The following TENM2 variants were observed in gnomAD, a reference collection of about 807,000 sequenced individuals.
TENM2 encodes the protein teneurin-2.
Under a neutral mutation model 245.2 loss-of-function variants are expected in TENM2, and 52 were observed. The observed-to-expected ratio is 0.21, with a 90% CI of 0.17 to 0.27. TENM2 has a LOEUF of 0.27. Among genes scored for constraint, TENM2 ranks in the 10% least tolerant of loss-of-function variants. The pLI, the probability that TENM2 is intolerant of heterozygous loss-of-function variation, is 1.00. For synonymous variants in TENM2, 1,363 were observed against 1,438.9 expected (o/e 0.95, Z 1.19); for missense variants, 3,046 against 3,666.8 (o/e 0.83, Z 4.37).
At chr5:167,285,684 C>T (rs554044524) in intron 1 of TENM2, among the ~76,000 whole-genome samples, 3 of 152,324 alleles carry the variant, frequency 2.0e-5, no homozygotes, top group East Asian at 3.9e-4. Flanking sequence ...TGCATCAACA[C>T]GTAGAATAAA....
chr5:167,476,514 T>C (rs1767386956), intron 2 of TENM2, among the ~76,000 whole-genome samples: 1 of 152,220 alleles, frequency 6.6e-6, no homozygotes, highest in Non-Finnish European at 1.5e-5. Context: ...GATGGCAAAC[T>C]GAAGTCTTAC....
chr5:168,140,573 C>G (rs186192913), intron 12 of TENM2, among the ~76,000 whole-genome samples: 1 of 152,306 alleles, frequency 6.6e-6, no homozygotes, highest in Admixed American at 6.5e-5. Flanking sequence ...CACCTGACTT[C>G]TTAGCATACC....
Position 167,764,534 on chromosome 5 carries a change from TAG to T in TENM2, c.503-111445_503-111444del, listed in dbSNP as rs1474899094. Among the ~76,000 whole-genome samples, 21 of 152,338 alleles carry T rather than the reference TAG, an allele frequency of 1.4e-4. No homozygotes were observed. In the East Asian group the frequency reaches 3.9e-3, roughly 28 times the overall value. On this transcript the variant is annotated intron_variant, in intron 2 of 28. Coordinates refer to ENST00000518659, the Ensembl canonical transcript of TENM2. The stretch of plus-strand genomic sequence containing the variant: ...TTTGTAAGCTCTGTGATCTGGAAGC[TAG>T]AGAGAGTTCCCACTCTTGCCTTTGT...
At chr5:167,393,027 C>T (rs554861858) in intron 2 of TENM2, among the ~76,000 whole-genome samples, 1 of 151,654 alleles carries the variant, frequency 6.6e-6, no homozygotes, top group African/African-American at 2.4e-5. Context: ...GAGGCTGAGG[C>T]AGGCTAATTG....
chr5:167,258,891 G>A, the TENM2 span, among the ~76,000 whole-genome samples: 1 of 152,064 alleles, frequency 6.6e-6, no homozygotes, highest in Non-Finnish European at 1.5e-5. Context: ...TTTTACTAAC[G>A]ATTTCTGAAA....
At chr5:167,014,453 C>A in the TENM2 span, among the ~76,000 whole-genome samples, 626 of 151,944 alleles carry the variant, frequency 4.1e-3, 7 homozygotes, top group African/African-American at 0.014. Flanking sequence ...TAAAGAAGTC[C>A]TGTTTAAGGA....
chr5:167,301,861 A>G (rs947186139), intron 1 of TENM2, among the ~76,000 whole-genome samples: 2 of 152,130 alleles, frequency 1.3e-5, no homozygotes, highest in Non-Finnish European at 2.9e-5. Context: ...GTCACAGAAC[A>G]AAACTGTAAG....
At chr5:167,266,923 TG>T in the TENM2 span, among the ~76,000 whole-genome samples, 1 of 152,208 alleles carries the variant, frequency 6.6e-6, no homozygotes, top group Non-Finnish European at 1.5e-5. Context: ...TCTTCAGTTG[TG>T]GTGTGTGGGA....
chr5:168,060,216 C>G (rs1789914549), intron 6 of TENM2, among the ~76,000 whole-genome samples: 1 of 149,766 alleles, frequency 6.7e-6, no homozygotes, highest in Non-Finnish European at 1.5e-5. Context: ...ATAGTGACAC[C>G]TTGTCTCTAC....
At chr5:167,128,083 T>G in the TENM2 span, among the ~76,000 whole-genome samples, 2 of 152,180 alleles carry the variant, frequency 1.3e-5, no homozygotes, top group Non-Finnish European at 2.9e-5. Context: ...TGGGGCAAAT[T>G]GCATAGCCTT....
chr5:167,477,433 C>T lies in TENM2; in HGVS notation c.502+101960C>T, dbSNP rs537962190. Among the ~76,000 whole-genome samples, 19 of 81,068 alleles carry T rather than the reference C, an allele frequency of 2.3e-4. 1 individual carries two copies. In the South Asian group the frequency reaches 5.2e-3, roughly 22 times the overall value. 53.2% of individuals were successfully genotyped at this position (81,068 alleles called of 152,430 possible). On this transcript the variant is annotated intron_variant, in intron 2 of 28. Coordinates refer to ENST00000518659, the Ensembl canonical transcript of TENM2. ...AGTTATGATCTCCAGGCCCTGTTGG[C>T]GGGTGGGGGGGGAGGTCTCAGACTA...
chr5:167,954,754 A>G (rs533099149), intron 4 of TENM2, among the ~76,000 whole-genome samples: 1 of 152,122 alleles, frequency 6.6e-6, no homozygotes, highest in African/African-American at 2.4e-5. Context: ...GCTGAGGATG[A>G]TGGTTTCCCG....
chr5:167,669,169 C>G (rs556517831), intron 2 of TENM2, among the ~76,000 whole-genome samples: 2 of 152,118 alleles, frequency 1.3e-5, no homozygotes, highest in African/African-American at 4.8e-5. Flanking sequence ...TGTTTACATG[C>G]ATCCTTGAAT....
rs189132895 is a variant in TENM2, at chr5:167,719,997, G to A, written c.503-155989G>A. ...ACACATTTTCTGTGGGTTAAAAAGA[G>A]GGGGGGGCTTGGGGAAGGGAGGTTC... On this transcript the variant is annotated intron_variant, in intron 2 of 28. Transcript: ENST00000518659. Among the ~76,000 whole-genome samples the A allele has an allele frequency of 9.3e-3, 1,398 of 150,344 alleles. 17 individuals carry two copies. The highest frequency in any genetic ancestry group is 0.031 in the Middle Eastern group (9 of 290).
chr5:168,034,927 T>G (rs909157186), intron 5 of TENM2, among the ~76,000 whole-genome samples: 8 of 152,246 alleles, frequency 5.3e-5, no homozygotes, highest in African/African-American at 1.9e-4. Flanking sequence ...TTAATTTACA[T>G]TTAAAAACTC....
the TENM2 span, among the ~76,000 whole-genome samples, chr5:167,110,857 C>A: frequency 6.6e-6 from 1 of 152,192 alleles, no homozygotes; most frequent in Non-Finnish European, 1.5e-5. Context: ...ATTTCTCATG[C>A]ACTCATTTTT....
intron 5 of TENM2, among the ~76,000 whole-genome samples, chr5:168,037,834 T>C (rs1415410160): frequency 6.6e-6 from 1 of 152,188 alleles, no homozygotes; most frequent in African/African-American, 2.4e-5. Flanking sequence ...TTCACTTAAG[T>C]AGGGCTCAGG....
At chr5:167,796,113 G>A (rs1391632150) in intron 2 of TENM2, among the ~76,000 whole-genome samples, 2 of 152,104 alleles carry the variant, frequency 1.3e-5, no homozygotes, top group African/African-American at 2.4e-5. Context: ...ACTTACAAAG[G>A]GGTTGGTTTT....
chr5:167,576,971 G>T (rs998061398), intron 2 of TENM2, among the ~76,000 whole-genome samples: 4 of 152,212 alleles, frequency 2.6e-5, no homozygotes, highest in African/African-American at 9.7e-5. Context: ...TTAAGTGTCA[G>T]ATTTCCAAAG....
Sources: gnomAD v4.1 joint callset for allele counts (sites outside exome capture counted in the v4.1 genomes callset) on GRCh38, gnomAD v4.1.1 for gene constraint, MANE v1.5 for transcripts, NCBI Gene and HGNC (gene_info 2026-07-23, HGNC 2026-07-21) for gene names.